Variants in TRMT11 observed in about 807,000 individuals in gnomAD.
TRMT11 encodes the protein tRNA methyltransferase 11, also known as tRNA (guanine(10)-N(2))-methyltransferase TRMT11.
A neutral mutation model predicts 62.8 loss-of-function variants in TRMT11; 53 were observed. The observed-to-expected ratio is 0.84, with a 90% CI of 0.68 to 1.06. TRMT11 has a LOEUF of 1.06. TRMT11 is among the 50% of genes least tolerant of loss of function. The pLI is 0.00. For synonymous variants in TRMT11, 188 were observed against 190.3 expected (o/e 0.99, Z 0.10); for missense variants, 556 against 553.4 (o/e 1.00, Z -0.05).
At chr6:126,065,312 G>A (rs554460944) in intron 17 of TRMT11, among the ~76,000 whole-genome samples, 3 of 151,948 alleles carry the variant, frequency 2.0e-5, no homozygotes, top group Non-Finnish European at 4.4e-5. Context: ...CTCCTGCCAC[G>A]ATGACGAGGC....
intron 21 of TRMT11, among the ~76,000 whole-genome samples, chr6:126,127,229 G>A (rs1313938088): frequency 3.3e-5 from 5 of 152,108 alleles, no homozygotes; most frequent in South Asian, 2.1e-4. Context: ...AACCCAAAGG[G>A]CACCCATGTG....
At chr6:126,124,341 A>G (rs1311040514) in intron 21 of TRMT11, among the ~76,000 whole-genome samples, 1 of 152,122 alleles carries the variant, frequency 6.6e-6, no homozygotes, top group Non-Finnish European at 1.5e-5. Context: ...GAATGTGGGC[A>G]TGGAATGAGT....
the TRMT11 span, among the ~76,000 whole-genome samples, chr6:126,265,592 G>GT: frequency 1.3e-5 from 2 of 151,836 alleles, no homozygotes; most frequent in Non-Finnish European, 2.9e-5. Flanking sequence ...TTAATTTATA[G>GT]TTTTTTTAAG....
chr6:126,237,001 T>C, the TRMT11 span, among the ~76,000 whole-genome samples: 1 of 152,012 alleles, frequency 6.6e-6, no homozygotes, highest in African/African-American at 2.4e-5. Flanking sequence ...TGCTGACACA[T>C]TGACATCTGT....
At chr6:126,089,522 G>C (rs368264868) in intron 17 of TRMT11, among the ~76,000 whole-genome samples, 1 of 152,102 alleles carries the variant, frequency 6.6e-6, no homozygotes, top group Non-Finnish European at 1.5e-5. Flanking sequence ...AACTTACCCC[G>C]GGTCACATGG....
chr6:126,229,407 C>T, the TRMT11 span, among the ~76,000 whole-genome samples: 1 of 152,156 alleles, frequency 6.6e-6, no homozygotes, highest in Non-Finnish European at 1.5e-5. Flanking sequence ...ACTTTAACTC[C>T]TACAGACAGC....
intron 17 of TRMT11, among the ~76,000 whole-genome samples, chr6:126,082,608 G>A (rs887905572): frequency 2.6e-5 from 4 of 152,014 alleles, no homozygotes; most frequent in African/African-American, 7.2e-5. Flanking sequence ...TCTACTTTAT[G>A]TCAGGTTTCT....
Position 126,105,533 on chromosome 6 carries a change from C to T in TRMT11, c.*1438-7333C>T, listed in dbSNP as rs368364652. Reference sequence around the variant, plus strand: ...GATGATGCGGGGTAGAGGCACAGCTCCCCCAGTTGTTCGGAGACGGAGGCC... The same window carrying T: ...GATGATGCGGGGTAGAGGCACAGCTTCCCCAGTTGTTCGGAGACGGAGGCC... On this transcript the variant is annotated intron_variant and NMD_transcript_variant, in intron 17 of 22. Transcript: ENST00000648977. 5.3e-5 allele frequency among the ~76,000 whole-genome samples: 8 copies of T among 152,072 alleles called. No individual in the cohort carries two copies. The East Asian group carries it at 9.7e-4, about 18-fold the overall frequency.
chr6:126,097,168 G>T (rs915412016), intron 17 of TRMT11, among the ~76,000 whole-genome samples: 2 of 152,186 alleles, frequency 1.3e-5, no homozygotes, highest in Non-Finnish European at 2.9e-5. Context: ...TTTTCTGATA[G>T]TATTGTTAGG....
At chr6:126,067,896 C>G (rs1215004206) in intron 17 of TRMT11, among the ~76,000 whole-genome samples, 1 of 152,096 alleles carries the variant, frequency 6.6e-6, no homozygotes, top group Non-Finnish European at 1.5e-5. Context: ...ACTACTTTTG[C>G]TTGTGTTTTT....
chr6:126,018,665 A>G (rs907060898), intron 11 of TRMT11, among the ~76,000 whole-genome samples: 7 of 151,712 alleles, frequency 4.6e-5, no homozygotes, highest in African/African-American at 1.2e-4. Flanking sequence ...CCACTTGTCA[A>G]TCTCTGTGGA....
chr6:126,088,086 T>C (rs903689847), intron 17 of TRMT11, among the ~76,000 whole-genome samples: 1 of 152,068 alleles, frequency 6.6e-6, no homozygotes, highest in African/African-American at 2.4e-5. Context: ...CAATGTGCAA[T>C]ATTAGTATAT....
At chr6:126,117,686 C>T (rs75558387) in intron 21 of TRMT11, among the ~76,000 whole-genome samples, 9,799 of 152,010 alleles carry the variant, frequency 0.064, 997 homozygotes, top group African/African-American at 0.22. Flanking sequence ...AATGAATGAC[C>T]AACTGTAACC....
At chr6:126,002,612 C>A (rs572253345) in intron 7 of TRMT11, among the ~76,000 whole-genome samples, 1 of 152,016 alleles carries the variant, frequency 6.6e-6, no homozygotes, top group East Asian at 1.9e-4. Flanking sequence ...TCCAGTTTGC[C>A]CTCTGTTTTA....
the TRMT11 span, among the ~76,000 whole-genome samples, chr6:126,262,043 A>C: frequency 6.6e-6 from 1 of 152,218 alleles, no homozygotes; most frequent in South Asian, 2.1e-4. Flanking sequence ...CTGTAGAGGC[A>C]GCATTGCTGC....
chr6:126,138,736 G>C (rs189582776), intron 21 of TRMT11, among the ~76,000 whole-genome samples: 57 of 151,968 alleles, frequency 3.8e-4, no homozygotes, highest in Admixed American at 3.3e-3. Flanking sequence ...ATGATATAAG[G>C]GTCTTTTCTG....
In TRMT11 at chr6:126,071,851, T is replaced by C. The variant is rs769156555; in HGVS notation, c.*1437+18661T>C. On this transcript the variant is annotated intron_variant and NMD_transcript_variant, in intron 17 of 22. Transcript: ENST00000648977. ...AATGATACTCAAACTTTAACATGGA[T>C]CAGAATCATCTCGAGAGTTCTTTAC... is the stretch of plus-strand genomic sequence containing the variant. 6.5e-4 allele frequency among the ~76,000 whole-genome samples: 99 copies of C among 152,158 alleles called. 1 individual carries two copies. Among genetic ancestry groups the C allele is most frequent in the Non-Finnish European group, 1.2e-3 (79 of 68,016 alleles).
intron 11 of TRMT11, among the ~76,000 whole-genome samples, chr6:126,019,542 C>CT (rs1795503436): frequency 6.6e-6 from 1 of 152,128 alleles, no homozygotes; most frequent in South Asian, 2.1e-4. Context: ...TAAAAAAATA[C>CT]TTTAAGTCAG....
At chr6:126,040,849 A>G (rs948683776), downstream of TRMT11, among the ~76,000 whole-genome samples, 43 of 152,078 alleles carry the variant, frequency 2.8e-4, no homozygotes, top group Non-Finnish European at 6.2e-4. Flanking sequence ...TATTCTGGTG[A>G]GTACTTTTTG....
Sources: allele counts gnomAD v4.1 joint callset (sites outside exome capture counted in the v4.1 genomes callset), GRCh38; gene constraint gnomAD v4.1.1; transcripts MANE v1.5; gene names NCBI Gene and HGNC (gene_info 2026-07-23, HGNC 2026-07-21).